Variants in IMMT observed in about 807,000 individuals in gnomAD.
IMMT encodes the protein MICOS complex subunit MIC60.
In IMMT, 40 loss-of-function variants were observed where a neutral mutation model predicts 92.7. The observed-to-expected ratio is 0.43, with a 90% CI of 0.34 to 0.56. IMMT has a LOEUF of 0.56. IMMT is among the 20% of genes least tolerant of loss of function. The probability of loss-of-function intolerance (pLI) is 0.03; values close to 1 mark genes in which losing one functional copy is unlikely to be tolerated. For synonymous variants in IMMT, 322 were observed against 336.1 expected (o/e 0.96, Z 0.46); for missense variants, 831 against 912.1 (o/e 0.91, Z 1.14).
In IMMT at chr2:86,195,433, C is replaced by A. The variant is rs1673479109; in HGVS notation, c.-51G>T. 9.1e-6 allele frequency: 14 copies of A among 1,537,166 alleles called. No individual in the cohort carries two copies. In the South Asian group the frequency reaches 1.6e-4, roughly 17 times the overall value. ...GTGGACTCGAGCTGCCGCGGCGGCG[C>A]GAGTTAAGTGGAGGCGTGCTTGCGT... On this transcript the variant is annotated 5_prime_UTR_variant, in exon 1 of 15. Transcript: ENST00000410111.
intron 10 of IMMT, among the ~76,000 whole-genome samples, chr2:86,155,359 T>C (rs181636283): frequency 2.0e-3 from 222 of 110,040 alleles, no homozygotes; most frequent in African/African-American, 7.6e-3. Context: ...GTGCTGCTGA[T>C]ACAAATCATT....
chr2:86,191,962 T>C (rs547799219), intron 1 of IMMT, among the ~76,000 whole-genome samples: 6 of 152,232 alleles, frequency 3.9e-5, no homozygotes, highest in Admixed American at 2.0e-4. Context: ...CTGGGCACTA[T>C]GGCTCACGCC....
At chr2:86,178,342 A>C (rs1269528299) in intron 3 of IMMT, among the ~76,000 whole-genome samples, 1 of 147,924 alleles carries the variant, frequency 6.8e-6, no homozygotes, top group Non-Finnish European at 1.5e-5. Context: ...GAAAAAAAAA[A>C]ACTGGCCAGG....
chr2:86,145,123 T>TA (rs1674899616), intron 14 of IMMT, among the ~76,000 whole-genome samples: 1 of 152,124 alleles, frequency 6.6e-6, no homozygotes, highest in South Asian at 2.1e-4. Context: ...TTACCTTTAC[T>TA]AGTTGAGAAA....
intron 2 of IMMT, among the ~76,000 whole-genome samples, chr2:86,180,426 C>T (rs12998025): frequency 0.46 from 69,687 of 151,508 alleles, 16,572 homozygotes; most frequent in Non-Finnish European, 0.51. Flanking sequence ...CCACTACGCC[C>T]GGCTAATTTT....
chr2:86,181,465 A>G, intron 1 of IMMT, 93 bp from the exon 2 acceptor site: 1 of 822,658 alleles, frequency 1.2e-6, no homozygotes, highest in South Asian at 1.6e-5. Context: ...TTTATTAAAA[A>G]TGTCTTCATT....
intron 10 of IMMT, among the ~76,000 whole-genome samples, chr2:86,156,461 G>T (rs1485407124): frequency 6.6e-6 from 1 of 151,892 alleles, no homozygotes; most frequent in Admixed American, 6.6e-5. Flanking sequence ...GGGTGTGGTG[G>T]CACACGCCTG....
chr2:86,157,510 G>A (rs115120080), intron 10 of IMMT, among the ~76,000 whole-genome samples: 3,312 of 151,920 alleles, frequency 0.022, 66 homozygotes, highest in Non-Finnish European at 0.033. Flanking sequence ...TTTGAGCCAG[G>A]TGTGGTGGCT....
chr2:86,163,911 ATCACG>A (rs1676462552), intron 7 of IMMT, among the ~76,000 whole-genome samples: 1 of 134,522 alleles, frequency 7.4e-6, no homozygotes, highest in Non-Finnish European at 1.6e-5. Flanking sequence ...GTGAGCCGAG[ATCACG>A]CTATTGCACT....
Position 86,159,546 on chromosome 2 carries a change from A to C in IMMT, c.1022T>G (p.Val341Gly). Residue 341 changes from valine to glycine, a missense_variant, in exon 9 of 15, where the codon GTG becomes GGG. Physicochemically the swap from Val to Gly is moderately radical, Grantham distance 109. Coordinates refer to ENST00000410111, the MANE Select transcript of IMMT (RefSeq NM_006839.3). ...ACTTAGGAAACATACCTTTTTGACCACATTATCCAGATCAACTATCATGTT... is the reference window on the plus strand; with the variant it reads ...ACTTAGGAAACATACCTTTTTGACCCCATTATCCAGATCAACTATCATGTT... Reference protein sequence around the residue: ...LHNMIVDLDNVVKKVQAAQSE... With the variant: ...LHNMIVDLDNGVKKVQAAQSE... The C allele has an allele frequency of 6.2e-7, 1 of 1,602,876 alleles. No individual in the cohort carries two copies. The highest frequency in any genetic ancestry group is 8.5e-7 in the Non-Finnish European group (1 of 1,172,240).
chr2:86,195,420 T>G lies in IMMT; in HGVS notation c.-38A>C, dbSNP rs1399646961. The G allele has an allele frequency of 1.9e-6, 3 of 1,542,370 alleles. No individual in the cohort carries two copies. Among genetic ancestry groups the G allele is most frequent in the African/African-American group, 1.4e-5 (1 of 72,476 alleles). ...GACGGCGCTGCTGGTGGACTCGAGC[T>G]GCCGCGGCGGCGCGAGTTAAGTGGA... On this transcript the variant is annotated 5_prime_UTR_variant, in exon 1 of 15. Transcript: ENST00000410111.
chr2:86,187,974 A>G (rs1187089283), intron 1 of IMMT, among the ~76,000 whole-genome samples: 1 of 151,626 alleles, frequency 6.6e-6, no homozygotes, highest in Non-Finnish European at 1.5e-5. Flanking sequence ...CAGCTGTACC[A>G]TTTTACATTC....
chr2:86,191,658 C>T (rs1485555618), intron 1 of IMMT, among the ~76,000 whole-genome samples: 1 of 150,978 alleles, frequency 6.6e-6, no homozygotes, highest in East Asian at 2.0e-4. Context: ...AATCCCAGCA[C>T]TTTGGGAGGC....
chr2:86,171,146 G>T, intron 5 of IMMT, 62 bp downstream of exon 5: 2 of 1,384,796 alleles, frequency 1.4e-6, no homozygotes, highest in Non-Finnish European at 2.0e-6. Flanking sequence ...TGTTGCCTAG[G>T]CATTAAATAG....
At chr2:86,162,110 T>C in intron 7 of IMMT, 31 bp from the exon 8 acceptor site, 1 of 1,318,098 alleles carries the variant, frequency 7.6e-7, no homozygotes, top group Non-Finnish European at 1.1e-6. Context: ...ATATAATAAA[T>C]AACTGCTATT....
chr2:86,191,572 C>CT (rs1041439737), intron 1 of IMMT, among the ~76,000 whole-genome samples: 3 of 152,004 alleles, frequency 2.0e-5, no homozygotes, highest in African/African-American at 7.3e-5. Context: ...AGATTCTGGA[C>CT]TTGCCAGTCT....
rs1246386746 is a variant in IMMT at position 86,146,132 on chromosome 2, GT to G, written c.1598del (p.Asp533AlafsTer7). ...QFRRLSQEQV[D>X]NFTLDINTAY... is the part of the protein sequence containing the mutation. ...CAGTATTTATATCCAGAGTAAAGTTGTCAACTTGCTCTTGACTGAGACGACG... is the reference window on the plus strand; with the variant it reads ...CAGTATTTATATCCAGAGTAAAGTTGCAACTTGCTCTTGACTGAGACGACG... On this transcript the variant is annotated frameshift_variant, in exon 14 of 15. Coordinates refer to ENST00000410111, the MANE Select transcript of IMMT (RefSeq NM_006839.3). LOFTEE classifies it high-confidence loss of function. 6.2e-7 allele frequency: 1 copy of G among 1,608,060 alleles called. No homozygotes were observed. The highest frequency in any genetic ancestry group is 1.7e-5 in the Admixed American group (1 of 59,844).
intron 1 of IMMT, among the ~76,000 whole-genome samples, chr2:86,190,428 G>A (rs1045357494): frequency 6.6e-6 from 1 of 152,182 alleles, no homozygotes; most frequent in Non-Finnish European, 1.5e-5. Flanking sequence ...AAGCAGGAAA[G>A]ACTACTCCAT....
intron 12 of IMMT, among the ~76,000 whole-genome samples, chr2:86,148,500 T>C (rs1396952461): frequency 1.3e-5 from 2 of 151,836 alleles, no homozygotes; most frequent in Non-Finnish European, 2.9e-5. Flanking sequence ...TAGTCCCAGC[T>C]ACTCGGGAGG....
Sources: gnomAD v4.1 joint callset for allele counts (sites outside exome capture counted in the v4.1 genomes callset) on GRCh38, gnomAD v4.1.1 for gene constraint, MANE v1.5 for transcripts, NCBI Gene and HGNC (gene_info 2026-07-23, HGNC 2026-07-21) for gene names.